PDXDC1: variants seen among roughly 807,000 people sequenced by gnomAD.
PDXDC1 encodes the protein pyridoxal dependent decarboxylase domain containing 1, also known as pyridoxal-dependent decarboxylase domain-containing protein 1.
PDXDC1 carries 42 observed loss-of-function variants against 100.1 expected under a neutral mutation model. The ratio of observed to expected loss-of-function variants is 0.42; its 90% CI spans 0.33 to 0.54. PDXDC1 has a LOEUF of 0.54. PDXDC1 is among the 20% of genes least tolerant of loss of function. The probability of loss-of-function intolerance (pLI) is 0.10; values close to 1 mark genes in which losing one functional copy is unlikely to be tolerated. For synonymous variants in PDXDC1, 260 were observed against 371.7 expected, an observed-to-expected ratio of 0.70 and a Z score of 3.46; for missense variants, 636 against 979.2, an observed-to-expected ratio of 0.65 and a Z score of 4.68.
the PDXDC1 span, among the ~76,000 whole-genome samples, chr16:15,145,832 G>A: frequency 2.0e-5 from 3 of 152,254 alleles, no homozygotes; most frequent in African/African-American, 4.8e-5. Flanking sequence ...GCAGCAGAGT[G>A]CAGGCCAGGC....
chr16:15,086,601 C>T, intron 16 of PDXDC1: 1 of 1,209,636 alleles, frequency 8.3e-7, no homozygotes, highest in Non-Finnish European at 1.1e-6. Context: ...GGTATTAAAA[C>T]AGAAAAAGAT....
At chr16:15,110,482 C>G (rs1158045951) in intron 16 of PDXDC1, 1 of 1,587,564 alleles carries the variant, frequency 6.3e-7, no homozygotes, top group Non-Finnish European at 8.5e-7. Flanking sequence ...TCACCTTCAT[C>G]TTACGGATTT....
In PDXDC1 at chr16:15,136,100, C is replaced by T. The variant is rs924234453; in HGVS notation, c.1400-2779C>T. ...GCTGGGCCCACCTCCACCCGCTGCA[C>T]AGTCGAGAAGCCGATCCACACGTCT... On this transcript the variant is annotated intron_variant, in intron 16 of 16. Coordinates refer to the PDXDC1 transcript ENST00000535621. 7.7e-5 allele frequency: 122 copies of T among 1,579,938 alleles called. No individual in the cohort carries two copies. In the Middle Eastern group the frequency reaches 2.3e-3, roughly 29 times the overall value.
At chr16:14,976,395 A>G (rs942811268) in intron 1 of PDXDC1, among the ~76,000 whole-genome samples, 1 of 152,288 alleles carries the variant, frequency 6.6e-6, no homozygotes, top group African/African-American at 2.4e-5. Context: ...CAATAATTGT[A>G]AAGGTTGGGC....
At chr16:15,120,997 G>A (rs1286048708) in intron 16 of PDXDC1, among the ~76,000 whole-genome samples, 2 of 110,962 alleles carry the variant, frequency 1.8e-5, no homozygotes, top group Non-Finnish European at 3.5e-5. Context: ...TTACCGAGGT[G>A]GAGATCATGA....
rs71152407 is a variant in PDXDC1, at chr16:15,097,468, CAAAAAAA to C, written c.1400-41393_1400-41387del. Among the ~76,000 whole-genome samples, 642 of 65,860 alleles carry C rather than the reference CAAAAAAA, an allele frequency of 9.7e-3. 4 individuals carry two copies. The highest frequency in any genetic ancestry group is 0.039 in the African/African-American group (602 of 15,466). The allele number at this position is 65,860 out of a possible 152,430, so 43.2% of individuals were successfully genotyped here. On this transcript the variant is annotated intron_variant, in intron 16 of 16. Transcript: ENST00000535621. ...TGAAACCCCGTCTCTACTAAAAATACAAAAAAAAAAAAAAAAAAAAAAAATGTGCCGG... is the reference window on the plus strand; with the variant it reads ...TGAAACCCCGTCTCTACTAAAAATACAAAAAAAAAAAAAAAAATGTGCCGG...
At chr16:15,112,148 C>A (rs1358040626) in intron 16 of PDXDC1, among the ~76,000 whole-genome samples, 2 of 148,288 alleles carry the variant, frequency 1.3e-5, no homozygotes, top group African/African-American at 4.9e-5. Context: ...TATTTGTTCT[C>A]ATCATAGCTA....
chr16:15,125,685 C>A (rs768101610), intron 16 of PDXDC1: 89 of 1,372,320 alleles, frequency 6.5e-5, no homozygotes, highest in East Asian at 3.0e-4. Context: ...CCAGTAGAGC[C>A]CTCACCTCAG....
chr16:15,064,201 A>T (rs1164982466), intron 16 of PDXDC1, among the ~76,000 whole-genome samples: 1 of 151,820 alleles, frequency 6.6e-6, no homozygotes, highest in Non-Finnish European at 1.5e-5. Flanking sequence ...TCTGAGACAG[A>T]GTCTCACTCT....
chr16:15,075,007 T>G (rs1011072376), intron 16 of PDXDC1: 3 of 794,888 alleles, frequency 3.8e-6, no homozygotes, highest in Non-Finnish European at 5.7e-6. Flanking sequence ...CCCAGCACTT[T>G]GGGAAGCAGA....
At chr16:15,101,218 T>A (rs984023463) in intron 16 of PDXDC1, among the ~76,000 whole-genome samples, 6 of 152,236 alleles carry the variant, frequency 3.9e-5, no homozygotes, top group African/African-American at 1.4e-4. Context: ...CCCATTTATT[T>A]TCCTGTAAAT....
chr16:15,111,518 G>C (rs930566042), intron 16 of PDXDC1, among the ~76,000 whole-genome samples: 5 of 148,196 alleles, frequency 3.4e-5, no homozygotes, highest in African/African-American at 1.2e-4. Context: ...CTAGCACTTT[G>C]GGAGGCCGAG....
intron 1 of PDXDC1, chr16:14,988,409 C>T: frequency 6.2e-7 from 1 of 1,614,284 alleles, no homozygotes; most frequent in Admixed American, 1.7e-5. Flanking sequence ...CGGGGTCCTG[C>T]TGAGCCATGT....
chr16:14,977,041 G>C (rs1192123612), intron 1 of PDXDC1: 1 of 152,318 alleles, frequency 6.6e-6, no homozygotes, highest in Non-Finnish European at 1.5e-5. Context: ...TCTGGCATTT[G>C]ATCAGTAGGT....
chr16:15,145,469 C>T, the PDXDC1 span, among the ~76,000 whole-genome samples: 2 of 152,274 alleles, frequency 1.3e-5, no homozygotes, highest in African/African-American at 2.4e-5. Flanking sequence ...AGCTGGCTTC[C>T]GCCTCTGCCT....
intron 1 of PDXDC1, among the ~76,000 whole-genome samples, chr16:14,993,594 A>C (rs1971337129): frequency 6.6e-6 from 1 of 152,418 alleles, no homozygotes; most frequent in South Asian, 2.1e-4. Context: ...ATAGTGCCAC[A>C]ATAAACATAC....
At chr16:15,044,516 G>A (rs968259303) in intron 16 of PDXDC1, 4 of 755,072 alleles carry the variant, frequency 5.3e-6, no homozygotes, top group African/African-American at 5.3e-5. Flanking sequence ...CTCTACAGCA[G>A]AGCTGCAGGT....
In PDXDC1 at chr16:15,036,124, C is replaced by A; in HGVS notation, c.2216C>A (p.Pro739Gln). Reference sequence around the variant, plus strand: ...AAGGTGGAGCGCCTATCCAGTGGGCCGGAGCAGATCACCCTCGAGGCCAGC... The same window carrying A: ...AAGGTGGAGCGCCTATCCAGTGGGCAGGAGCAGATCACCCTCGAGGCCAGC... ...LEKVERLSSG[P>Q]EQITLEASST... The change falls in exon 23 of 23, where the codon CCG becomes CAG. Residue 739 changes from proline to glutamine, a missense_variant. By Grantham distance (76) the Pro-to-Gln change is moderately conservative. Transcript: ENST00000396410. The A allele has an allele frequency of 6.2e-7, 1 of 1,614,102 alleles. No homozygotes were observed. Among genetic ancestry groups the A allele is most frequent in the Non-Finnish European group, 8.5e-7 (1 of 1,180,024 alleles).
intron 16 of PDXDC1, chr16:15,072,995 G>A: frequency 3.1e-6 from 5 of 1,613,704 alleles, no homozygotes; most frequent in Non-Finnish European, 4.2e-6. Context: ...GTACATGGCA[G>A]GAGGCATGGG....
Sources: gnomAD v4.1 joint callset for allele counts (sites outside exome capture counted in the v4.1 genomes callset) on GRCh38, gnomAD v4.1.1 for gene constraint, MANE v1.5 for transcripts, NCBI Gene and HGNC (gene_info 2026-07-23, HGNC 2026-07-21) for gene names.